Variants in PRKCB observed in about 807,000 individuals in gnomAD.
The protein encoded by PRKCB is protein kinase C beta, also known as protein kinase C beta type.
A neutral mutation model predicts 81.5 loss-of-function variants in PRKCB; 13 were observed. The observed-to-expected ratio is 0.16, with a 90% CI of 0.10 to 0.25. The LOEUF (loss-of-function observed/expected upper bound fraction) is 0.25. Ranked by LOEUF, PRKCB falls within the 10% of genes least tolerant of loss-of-function variation. The pLI, the probability that PRKCB is intolerant of heterozygous loss-of-function variation, is 1.00. For synonymous variants in PRKCB, 335 were observed against 321.4 expected, an observed-to-expected ratio of 1.04 and a Z score of -0.45; for missense variants, 509 against 875.7, an observed-to-expected ratio of 0.58 and a Z score of 5.29.
At chr16:23,949,139 G>A (rs77997565) in intron 2 of PRKCB, among the ~76,000 whole-genome samples, 2,508 of 152,306 alleles carry the variant, frequency 0.016, 75 homozygotes, top group African/African-American at 0.055. Flanking sequence ...ACACTCTTCC[G>A]GAGTCTGTAG....
In PRKCB at chr16:24,219,486, GT is replaced by G. The variant is rs2141998718; in HGVS notation, c.*4671del. On this transcript the variant is annotated 3_prime_UTR_variant, in exon 17 of 17. Transcript: ENST00000643927. ...GCCATTCTGCCTTCTTGGGGGCAGAGTAGATGGGCAGCAGTTCACCTTTTCA... is the reference window on the plus strand; with the variant it reads ...GCCATTCTGCCTTCTTGGGGGCAGAGAGATGGGCAGCAGTTCACCTTTTCA... 1 of 987,666 alleles carries G rather than the reference GT, an allele frequency of 1.0e-6. No individual in the cohort carries two copies. The highest frequency in any genetic ancestry group is 4.7e-5 in the South Asian group (1 of 21,456). The allele number at this position is 987,666 out of a possible 1,614,324, so 61.2% of individuals were successfully genotyped here. A position where few individuals can be genotyped will look rare whatever the true frequency, so the allele number is the denominator to read the frequency against.
intron 7 of PRKCB, among the ~76,000 whole-genome samples, chr16:24,103,705 C>G (rs1176926757): frequency 1.3e-5 from 2 of 152,176 alleles, no homozygotes; most frequent in African/African-American, 4.8e-5. Context: ...TCCTTGTCTT[C>G]CCCTCCCCTC....
chr16:24,042,487 A>T (rs146229809), intron 5 of PRKCB, among the ~76,000 whole-genome samples: 1 of 152,314 alleles, frequency 6.6e-6, no homozygotes, highest in African/African-American at 2.4e-5. Context: ...TTTTACAGCA[A>T]ACACTCATTT....
In PRKCB at chr16:24,096,662, AAAAAATATATATAT is replaced by A. The variant is rs1202077903; in HGVS notation, c.821+2367_821+2380del. Among the ~76,000 whole-genome samples the A allele has an allele frequency of 3.0e-3, 120 of 40,442 alleles. 1 individual carries two copies. The highest frequency in any genetic ancestry group is 3.9e-3 in the African/African-American group (45 of 11,638). The allele number at this position is 40,442 out of a possible 152,430, so 26.5% of individuals were successfully genotyped here. On this transcript the variant is annotated intron_variant, in intron 7 of 16. Coordinates refer to ENST00000643927, the MANE Select transcript of PRKCB (RefSeq NM_002738.7). Reference sequence around the variant, plus strand: ...GCTCCCTTCCTATGGCAAAAAAAAAAAAAAATATATATATATATATATATATATATATATATATA... The same window carrying A: ...GCTCCCTTCCTATGGCAAAAAAAAAAATATATATATATATATATATATATA...
At chr16:23,969,657 A>G (rs1360905126) in intron 2 of PRKCB, among the ~76,000 whole-genome samples, 1 of 152,190 alleles carries the variant, frequency 6.6e-6, no homozygotes, top group Non-Finnish European at 1.5e-5. Flanking sequence ...TAGCTATTGT[A>G]ATTGCCATCA....
chr16:24,190,972 T>G, intron 15 of PRKCB, 118 bp from the exon 16 acceptor site: 11 of 1,291,698 alleles, frequency 8.5e-6, no homozygotes, highest in Non-Finnish European at 1.1e-5. Context: ...AAAACAAAAA[T>G]GAGTTGAGAT....
intron 9 of PRKCB, among the ~76,000 whole-genome samples, chr16:24,144,035 A>G (rs1966949967): frequency 6.6e-6 from 1 of 152,168 alleles, no homozygotes; most frequent in Non-Finnish European, 1.5e-5. Flanking sequence ...TTTCTCCTCA[A>G]AAAACGATTT....
chr16:23,838,674 A>G (rs990883179), intron 2 of PRKCB, among the ~76,000 whole-genome samples: 13 of 152,198 alleles, frequency 8.5e-5, no homozygotes, highest in Non-Finnish European at 1.6e-4. Context: ...TCCAGGGAAA[A>G]GTAAAGTGAT....
At chr16:23,902,780 T>TCCTTCCTTCCTTCTTCCTC in intron 2 of PRKCB, among the ~76,000 whole-genome samples, 1 of 27,364 alleles carries the variant, frequency 3.7e-5, no homozygotes, top group Non-Finnish European at 6.2e-5. Context: ...CTTCCTTCCT[T>TCCTTCCTTCCTTCTTCCTC]CCTCCCTCCC....
At chr16:24,058,128 T>G (rs1361766545) in intron 5 of PRKCB, among the ~76,000 whole-genome samples, 1 of 152,174 alleles carries the variant, frequency 6.6e-6, no homozygotes, top group African/African-American at 2.4e-5. Context: ...CTTGGGTTGC[T>G]TTTCCTTGGG....
chr16:23,918,644 G>A (rs8061469), intron 2 of PRKCB, among the ~76,000 whole-genome samples: 2,647 of 152,154 alleles, frequency 0.017, 75 homozygotes, highest in African/African-American at 0.058. Context: ...TAATCCACCC[G>A]CCTCGGCCTC....
chr16:23,859,314 G>A lies in PRKCB; in HGVS notation c.205+21908G>A, dbSNP rs571438317. Among the ~76,000 whole-genome samples the A allele has an allele frequency of 8.5e-5, 13 of 152,230 alleles. No homozygotes were observed. The South Asian group carries it at 1.9e-3, about 22-fold the overall frequency. ...CAGAAGGTGGCATATCAAGTTGTGG[G>A]GTCTGATTTGGAAAGTGTGAGATCC... On this transcript the variant is annotated intron_variant, in intron 2 of 16. Transcript: ENST00000643927.
At position 24,174,565 on chromosome 16, in the gene PRKCB, A is replaced by G. The variant is rs1448376098; in HGVS notation, c.1379A>G (p.Lys460Arg). 7 of 1,613,218 alleles carry G rather than the reference A, an allele frequency of 4.3e-6. No individual in the cohort carries two copies. In the African/African-American group the frequency reaches 8.0e-5, roughly 19 times the overall value. Residue 460 changes from lysine (K) to arginine (R), a missense_variant, in exon 12 of 17, where the codon AAG (lysine) becomes AGG (arginine). Lys to Arg is a conservative substitution (Grantham distance 26, BLOSUM62 2). Around this residue, in one of 6 missense-constraint regions of PRKCB, gnomAD observed 106 missense variants for 214.0 expected, o/e 0.50. Transcript: ENST00000643927. ...IAIGLFFLQSKGIIYRDLKLD... is the reference protein window; with the variant it reads ...IAIGLFFLQSRGIIYRDLKLD... The stretch of plus-strand genomic sequence containing the variant: ...ATCGGTCTGTTCTTCTTACAGAGTA[A>G]GGGCATCATTTACCGGTAAGTGAAC...
chr16:24,037,756 G>C (rs1394113378), intron 5 of PRKCB, among the ~76,000 whole-genome samples: 1 of 151,480 alleles, frequency 6.6e-6, no homozygotes, highest in Non-Finnish European at 1.5e-5. Flanking sequence ...TGAGAACCTG[G>C]ATCACAAGCC....
At chr16:24,187,251 C>T (rs1438464123) in intron 15 of PRKCB, among the ~76,000 whole-genome samples, 2 of 152,182 alleles carry the variant, frequency 1.3e-5, no homozygotes, top group Admixed American at 6.5e-5. Flanking sequence ...AAACCATGGC[C>T]CTCTGTAGTT....
chr16:23,844,211 AT>A (rs1197672054), intron 2 of PRKCB, among the ~76,000 whole-genome samples: 3 of 152,232 alleles, frequency 2.0e-5, no homozygotes, highest in African/African-American at 7.2e-5. Flanking sequence ...ATTTGCTCTA[AT>A]AACATGAATT....
At chr16:23,840,620 G>C (rs563672065) in intron 2 of PRKCB, among the ~76,000 whole-genome samples, 31 of 152,220 alleles carry the variant, frequency 2.0e-4, no homozygotes, top group African/African-American at 7.2e-4. Flanking sequence ...AAAAATACAA[G>C]CAGAGAGAGG....
chr16:23,974,016 C>A (rs1964592858), intron 2 of PRKCB, among the ~76,000 whole-genome samples: 1 of 152,086 alleles, frequency 6.6e-6, no homozygotes, highest in Non-Finnish European at 1.5e-5. Context: ...AGGAGTTAAA[C>A]AAGAATCAAG....
chr16:23,958,891 G>A lies in PRKCB; in HGVS notation c.206-29617G>A, dbSNP rs376019167. 6.6e-5 allele frequency among the ~76,000 whole-genome samples: 10 copies of A among 152,190 alleles called. No individual in the cohort carries two copies. The South Asian group carries it at 8.3e-4, about 13-fold the overall frequency. On this transcript the variant is annotated intron_variant, in intron 2 of 16. Coordinates refer to ENST00000643927, the MANE Select transcript of PRKCB (RefSeq NM_002738.7). ...CGTCTGTTGCCTTCAAGGTAACAGC[G>A]TAGTGGTGGTTCCGAGCCAGATGCC...
Sources: allele counts gnomAD v4.1 joint callset (sites outside exome capture counted in the v4.1 genomes callset), GRCh38; gene constraint gnomAD v4.1.1; regional missense constraint gnomAD v4.1.1; transcripts MANE v1.5; gene names NCBI Gene and HGNC (gene_info 2026-07-23, HGNC 2026-07-21).